EEPD1: variants seen among roughly 807,000 people sequenced by gnomAD.
The protein encoded by EEPD1 is endonuclease/exonuclease/phosphatase family domain containing 1.
EEPD1 carries 17 observed loss-of-function variants against 46.3 expected under a neutral mutation model. The ratio of observed to expected loss-of-function variants is 0.37; its 90% CI spans 0.25 to 0.55. EEPD1 has a LOEUF of 0.55. EEPD1 is among the 20% of genes least tolerant of loss of function. EEPD1 has a pLI of 0.83. For missense variants in EEPD1, 673 were observed against 745.6 expected, an observed-to-expected ratio of 0.90 and a Z score of 1.13; for synonymous variants, 313 against 315.6, an observed-to-expected ratio of 0.99 and a Z score of 0.09.
chr7:36,227,469 CCCT>C (rs1221328798), intron 2 of EEPD1, among the ~76,000 whole-genome samples: 1 of 152,160 alleles, frequency 6.6e-6, no homozygotes, highest in South Asian at 2.1e-4. Context: ...CAGAGCTCAT[CCCT>C]CCTCCTGGGC....
intron 3 of EEPD1, among the ~76,000 whole-genome samples, chr7:36,254,898 C>CT (rs1786804565): frequency 6.6e-6 from 1 of 152,166 alleles, no homozygotes; most frequent in African/African-American, 2.4e-5. Context: ...TGATGATGAG[C>CT]TTTTTTTCAT....
chr7:36,204,296 A>C (rs1785772055), intron 2 of EEPD1, among the ~76,000 whole-genome samples: 1 of 152,122 alleles, frequency 6.6e-6, no homozygotes, highest in Non-Finnish European at 1.5e-5. Context: ...TCAGCGTCCC[A>C]AAGCACTGGG....
chr7:36,280,103 T>G (rs1447762491), intron 3 of EEPD1, among the ~76,000 whole-genome samples: 2 of 152,108 alleles, frequency 1.3e-5, no homozygotes, highest in Non-Finnish European at 2.9e-5. Flanking sequence ...AGATGGGCAC[T>G]GGGTGGAGGA....
intron 3 of EEPD1, among the ~76,000 whole-genome samples, chr7:36,245,271 T>G (rs576187476): frequency 2.0e-5 from 3 of 152,194 alleles, no homozygotes; most frequent in Non-Finnish European, 4.4e-5. Flanking sequence ...TTGATCACAT[T>G]GTGAAGAGGG....
intron 3 of EEPD1, among the ~76,000 whole-genome samples, chr7:36,265,653 T>C (rs1715658534): frequency 6.6e-6 from 1 of 152,218 alleles, no homozygotes; most frequent in Admixed American, 6.5e-5. Flanking sequence ...TATCTGGCTT[T>C]TGATACCTCA....
In EEPD1 at chr7:36,284,788, G is replaced by C; in HGVS notation, c.1144G>C (p.Ala382Pro). The change falls in exon 5 of 8, where the codon GCG (alanine) becomes CCG (proline). Residue 382 changes from alanine (A) to proline (P), a missense_variant. Transcript: ENST00000242108. ...GCCAAGCAACGGGCACGGGAAGCTGGCGGGCCCCAGCCCATACCTCGGGAG... is the reference window on the plus strand; with the variant it reads ...GCCAAGCAACGGGCACGGGAAGCTGCCGGGCCCCAGCCCATACCTCGGGAG... ...SSPSNGHGKL[A>P]GPSPYLGRFK... 6.3e-7 allele frequency: 1 copy of C among 1,583,554 alleles called. No individual in the cohort carries two copies. Among genetic ancestry groups the C allele is most frequent in the Non-Finnish European group, 8.6e-7 (1 of 1,163,984 alleles).
At chr7:36,282,505 A>T (rs1348787272) in intron 4 of EEPD1, among the ~76,000 whole-genome samples, 2 of 152,210 alleles carry the variant, frequency 1.3e-5, no homozygotes, top group Non-Finnish European at 2.9e-5. Context: ...AGGTAACCCC[A>T]TTCCAGGTCA....
intron 7 of EEPD1, among the ~76,000 whole-genome samples, chr7:36,298,613 T>TA (rs1787564105): frequency 6.6e-6 from 1 of 152,162 alleles, no homozygotes; most frequent in South Asian, 2.1e-4. Flanking sequence ...CTAACCCCCT[T>TA]AGTGTCTTTT....
intron 2 of EEPD1, among the ~76,000 whole-genome samples, chr7:36,159,992 C>A (rs181768533): frequency 6.6e-6 from 1 of 152,194 alleles, no homozygotes; most frequent in Non-Finnish European, 1.5e-5. Context: ...CCAATGTAGG[C>A]AGAACTTAGG....
Position 36,225,625 on chromosome 7 carries a change from CAA to C in EEPD1, c.879-13358_879-13357del, listed in dbSNP as rs1786219693. Among the ~76,000 whole-genome samples, 1 of 152,106 alleles carries C rather than the reference CAA, an allele frequency of 6.6e-6. No homozygotes were observed. The highest frequency in any genetic ancestry group is 2.4e-5 in the African/African-American group (1 of 41,396). On this transcript the variant is annotated intron_variant, in intron 2 of 7. Coordinates refer to ENST00000242108, the MANE Select transcript of EEPD1 (RefSeq NM_030636.3). This position sits in a 1 kb window ranked among gnomAD's most constrained non-coding sequence, Gnocchi z 4.2. ...TCGACTTTAGACTTGTTCTGTATAA[CAA>C]AGAGACTGTGTTTACAGAACCTGTC...
intron 3 of EEPD1, among the ~76,000 whole-genome samples, chr7:36,272,087 T>C (rs1171525014): frequency 6.6e-6 from 1 of 151,914 alleles, no homozygotes; most frequent in Non-Finnish European, 1.5e-5. Context: ...TTCACCATGT[T>C]GGCCAGGCTG....
At chr7:36,259,619 C>T (rs2115827188) in intron 3 of EEPD1, among the ~76,000 whole-genome samples, 1 of 152,248 alleles carries the variant, frequency 6.6e-6, no homozygotes, top group East Asian at 1.9e-4. Context: ...AGGTGATTCT[C>T]CCACCTCAGC....
At chr7:36,247,220 G>A (rs1786654664) in intron 3 of EEPD1, among the ~76,000 whole-genome samples, 1 of 152,076 alleles carries the variant, frequency 6.6e-6, no homozygotes, top group Non-Finnish European at 1.5e-5. Flanking sequence ...TAGAATGATA[G>A]CTTCCTGGGA....
intron 2 of EEPD1, among the ~76,000 whole-genome samples, chr7:36,219,086 C>T (rs533572805): frequency 1.3e-5 from 2 of 152,070 alleles, no homozygotes; most frequent in South Asian, 4.2e-4. Context: ...ATATCAAAAA[C>T]CAAATCATTG....
At chr7:36,269,060 T>G (rs899241194) in intron 3 of EEPD1, among the ~76,000 whole-genome samples, 1 of 152,144 alleles carries the variant, frequency 6.6e-6, no homozygotes, top group Admixed American at 6.5e-5. Context: ...CCTTCTGGAG[T>G]CTGCATGGGT....
chr7:36,219,141 C>T (rs1036911749), intron 2 of EEPD1, among the ~76,000 whole-genome samples: 1 of 151,906 alleles, frequency 6.6e-6, no homozygotes, highest in Non-Finnish European at 1.5e-5. Context: ...TAAGATGGAT[C>T]GATGTCTGAT....
At chr7:36,285,170 T>C (rs539154998) in intron 5 of EEPD1, among the ~76,000 whole-genome samples, 1 of 152,102 alleles carries the variant, frequency 6.6e-6, no homozygotes, top group Non-Finnish European at 1.5e-5. Context: ...CATACAGAAT[T>C]TGGGGGATTA....
At position 36,225,501 on chromosome 7, in the gene EEPD1, G is replaced by A. The variant is rs1412463888; in HGVS notation, c.879-13484G>A. Among the ~76,000 whole-genome samples the A allele has an allele frequency of 3.3e-5, 5 of 152,190 alleles. No individual in the cohort carries two copies. The East Asian group carries it at 7.7e-4, about 23-fold the overall frequency. On this transcript the variant is annotated intron_variant, in intron 2 of 7. Coordinates refer to ENST00000242108, the MANE Select transcript of EEPD1 (RefSeq NM_030636.3). The surrounding 1 kb of genome is among the most constrained non-coding windows in gnomAD (Gnocchi z 4.2). ...ATTCTGAACAAACTCAGAAAGAGAC[G>A]GCCACATCTGAGCATACCCTGGGAA...
intron 3 of EEPD1, among the ~76,000 whole-genome samples, chr7:36,240,464 C>T (rs1304580244): frequency 6.6e-6 from 1 of 152,130 alleles, no homozygotes; most frequent in East Asian, 1.9e-4. Context: ...CTCAGAGAGG[C>T]AAAGTGAGAA....
Sources: gnomAD v4.1 joint callset for allele counts (sites outside exome capture counted in the v4.1 genomes callset) on GRCh38, gnomAD v4.1.1 for gene constraint, Gnocchi (gnomAD v3.1) non-coding constraint, MANE v1.5 for transcripts, NCBI Gene and HGNC (gene_info 2026-07-23, HGNC 2026-07-21) for gene names.